SYNRG: variants seen among roughly 807,000 people sequenced by gnomAD.
The protein encoded by SYNRG is synergin gamma, also known as AP1 gamma subunit binding protein 1.
SYNRG carries 37 observed loss-of-function variants against 130.9 expected under a neutral mutation model. That is an observed-to-expected ratio of 0.28 (90% CI 0.22 to 0.37). The LOEUF is 0.37. Among genes scored for constraint, SYNRG ranks in the 10% least tolerant of loss-of-function variants. The pLI is 1.00. For synonymous variants in SYNRG, 539 were observed against 568.1 expected (o/e 0.95, Z 0.73); for missense variants, 1,338 against 1,588.9 (o/e 0.84, Z 2.68).
At chr17:37,584,882 A>T (rs1598520277) in intron 5 of SYNRG, 123 bp from the exon 6 acceptor site, 1 of 697,800 alleles carries the variant, frequency 1.4e-6, no homozygotes, top group East Asian at 2.7e-5. Flanking sequence ...TACTTCTGAT[A>T]ATGAATTATC....
At position 37,542,311 on chromosome 17, in the gene SYNRG, C is replaced by T; in HGVS notation, c.2863G>A (p.Ala955Thr). The T allele has an allele frequency of 1.9e-6, 3 of 1,614,222 alleles. No homozygotes were observed. Among genetic ancestry groups the T allele is most frequent in the Non-Finnish European group, 2.5e-6 (3 of 1,180,046 alleles). ...SKVTTFVSED[A>T]LPETTFPALA... ...GCTGGGAAGGTGGTCTCTGGAAGAGCATCTTCACTTACAAAGGTCGTTACT... is the reference window on the plus strand; with the variant it reads ...GCTGGGAAGGTGGTCTCTGGAAGAGTATCTTCACTTACAAAGGTCGTTACT... The change falls in exon 15 of 22, where the codon GCT becomes ACT. Residue 955 changes from alanine to threonine, a missense_variant. Physicochemically the swap from Ala to Thr is moderately conservative, Grantham distance 58 (BLOSUM62 0). Coordinates refer to ENST00000612223, the MANE Select transcript of SYNRG (RefSeq NM_007247.6).
chr17:37,565,374 G>A (rs1280269691), intron 11 of SYNRG, among the ~76,000 whole-genome samples: 2 of 152,308 alleles, frequency 1.3e-5, no homozygotes, highest in African/African-American at 2.4e-5. Context: ...GGAGTGCAGT[G>A]GCGTGATCTC....
chr17:37,540,116 A>G (rs1486179290), intron 16 of SYNRG, among the ~76,000 whole-genome samples: 1 of 152,216 alleles, frequency 6.6e-6, no homozygotes, highest in African/African-American at 2.4e-5. Context: ...GAAGAATTAT[A>G]CAAACACTGC....
chr17:37,590,584 T>C (rs770560146), intron 3 of SYNRG, among the ~76,000 whole-genome samples: 2 of 152,122 alleles, frequency 1.3e-5, no homozygotes, highest in African/African-American at 4.8e-5. Context: ...CTAGGAAATA[T>C]GATATATTGC....
chr17:37,573,415 A>C (rs1310391662), intron 8 of SYNRG, among the ~76,000 whole-genome samples: 1 of 152,070 alleles, frequency 6.6e-6, no homozygotes, highest in Non-Finnish European at 1.5e-5. Flanking sequence ...ACAAACAAAC[A>C]AACAAAAAAA....
intron 6 of SYNRG, among the ~76,000 whole-genome samples, chr17:37,583,356 T>TATCTAGC: frequency 6.6e-6 from 1 of 152,332 alleles, no homozygotes; most frequent in East Asian, 1.9e-4. Context: ...TTTTCCTTTC[T>TATCTAGC]AATCTCAGCC....
intron 6 of SYNRG, among the ~76,000 whole-genome samples, chr17:37,582,822 C>T (rs1478042378): frequency 6.6e-6 from 1 of 151,978 alleles, no homozygotes; most frequent in South Asian, 2.1e-4. Context: ...GATCATGTCA[C>T]CGCACTAGGG....
chr17:37,580,716 G>T (rs760847511), intron 6 of SYNRG, among the ~76,000 whole-genome samples: 2 of 152,130 alleles, frequency 1.3e-5, no homozygotes, highest in African/African-American at 4.8e-5. Flanking sequence ...TGTATTTTTA[G>T]TAGAGACGGG....
In SYNRG at chr17:37,547,054, A is replaced by G. The variant is rs9899130; in HGVS notation, c.2609-4489T>C. Among the ~76,000 whole-genome samples, 1,378 of 152,332 alleles carry G rather than the reference A, an allele frequency of 9.0e-3. 22 individuals are homozygous for G. Among genetic ancestry groups the G allele is most frequent in the African/African-American group, 0.031 (1,305 of 41,572 alleles). On this transcript the variant is annotated intron_variant, in intron 14 of 21. Coordinates refer to ENST00000612223, the MANE Select transcript of SYNRG (RefSeq NM_007247.6). ...AAACAGGAATGAAAGTGATCACAGT[A>G]TAAGTGACAGGCTGAAAAATGCTGC...
chr17:37,568,679 T>C, intron 11 of SYNRG, 112 bp downstream of exon 11: 2 of 1,130,440 alleles, frequency 1.8e-6, no homozygotes, highest in Non-Finnish European at 1.2e-6. Context: ...ACACAGAAAG[T>C]AGTAGAGTAA....
chr17:37,605,739 A>G (rs1384020620), intron 1 of SYNRG: 35 of 913,764 alleles, frequency 3.8e-5, no homozygotes, highest in South Asian at 5.0e-5. Context: ...CAGGAAGGTG[A>G]CCAACAATTT....
rs142373607 is a variant in SYNRG at position 37,585,314 on chromosome 17, T to C, written c.477+11A>G. 4 of 1,606,370 alleles carry C rather than the reference T, an allele frequency of 2.5e-6. No individual in the cohort carries two copies. The Admixed American group carries it at 5.1e-5, about 20-fold the overall frequency. On this transcript the variant is annotated intron_variant, in intron 5 of 21. Transcript: ENST00000612223. Reference sequence around the variant, plus strand: ...GTATGTTCTGGGTGAAGAGAAGTATTGAAATACTACCTTGGGTTTCACACT... The same window carrying C: ...GTATGTTCTGGGTGAAGAGAAGTATCGAAATACTACCTTGGGTTTCACACT...
At chr17:37,536,432 C>G (rs1321812373) in intron 18 of SYNRG, 3 of 365,056 alleles carry the variant, frequency 8.2e-6, no homozygotes, top group African/African-American at 2.1e-5. Flanking sequence ...GGGATGGTAA[C>G]AGTAGCTCCT....
At chr17:37,584,574 T>C (rs2061556808) in intron 6 of SYNRG, 74 bp downstream of exon 6, 2 of 1,168,948 alleles carry the variant, frequency 1.7e-6, no homozygotes, top group East Asian at 2.3e-5. Flanking sequence ...ACACATATAA[T>C]GGCGAGGTAA....
chr17:37,576,507 G>T, intron 7 of SYNRG, 89 bp from the exon 8 acceptor site: 1 of 1,174,148 alleles, frequency 8.5e-7, no homozygotes, highest in Non-Finnish European at 1.2e-6. Flanking sequence ...AAAGAGCACT[G>T]GCTGGAGACA....
intron 14 of SYNRG, among the ~76,000 whole-genome samples, chr17:37,552,328 T>A (rs1393486690): frequency 6.6e-6 from 1 of 152,174 alleles, no homozygotes; most frequent in Non-Finnish European, 1.5e-5. Flanking sequence ...GGGAATCTAG[T>A]TTTTATGACA....
chr17:37,590,947 A>G (rs1178303330), intron 3 of SYNRG, among the ~76,000 whole-genome samples: 2 of 152,210 alleles, frequency 1.3e-5, no homozygotes, highest in Non-Finnish European at 2.9e-5. Flanking sequence ...CACCGAATTC[A>G]TGATAGTGAT....
intron 6 of SYNRG, among the ~76,000 whole-genome samples, chr17:37,579,640 T>C (rs2061130435): frequency 6.6e-6 from 1 of 152,244 alleles, no homozygotes; most frequent in Admixed American, 6.5e-5. Flanking sequence ...TTATGTCTTT[T>C]TAAAGGGGAG....
chr17:37,518,304 T>A lies in SYNRG; in HGVS notation c.*636A>T, dbSNP rs1170089168. ...TTCACGGCTGCAGAGTGCCCAGGCATGTTTTGGGAAAAAGTCTTGAGAGTG... is the reference window on the plus strand; with the variant it reads ...TTCACGGCTGCAGAGTGCCCAGGCAAGTTTTGGGAAAAAGTCTTGAGAGTG... On this transcript the variant is annotated 3_prime_UTR_variant, in exon 22 of 22. Coordinates refer to ENST00000612223, the MANE Select transcript of SYNRG (RefSeq NM_007247.6). The A allele has an allele frequency of 6.6e-6, 1 of 152,230 alleles. No individual in the cohort carries two copies. Among genetic ancestry groups the A allele is most frequent in the Non-Finnish European group, 1.5e-5 (1 of 68,090 alleles). 9.4% of individuals were successfully genotyped at this position (152,230 alleles called of 1,614,324 possible).
Sources: allele counts gnomAD v4.1 joint callset (sites outside exome capture counted in the v4.1 genomes callset), GRCh38; gene constraint gnomAD v4.1.1; transcripts MANE v1.5; gene names NCBI Gene and HGNC (gene_info 2026-07-23, HGNC 2026-07-21).